Variants in SPAG17 observed in about 807,000 individuals in gnomAD.
SPAG17 encodes sperm associated antigen 17, also known as sperm-associated antigen 17.
A neutral mutation model predicts 273.6 loss-of-function variants in SPAG17; 169 were observed. That is an observed-to-expected ratio of 0.62 (90% CI 0.55 to 0.70). The LOEUF (loss-of-function observed/expected upper bound fraction) is 0.70, where lower values mean the gene tolerates loss of function less well. Ranked by LOEUF, SPAG17 falls within the 30% of genes least tolerant of loss-of-function variation. The probability of loss-of-function intolerance (pLI) is 0.00; values close to 1 mark genes in which losing one functional copy is unlikely to be tolerated. For missense variants in SPAG17, 2,557 were observed against 2,627.8 expected (o/e 0.97, Z 0.59); for synonymous variants, 825 against 873.2 (o/e 0.94, Z 0.97).
chr1:118,131,195 T>C (rs1161821877), intron 3 of SPAG17, among the ~76,000 whole-genome samples: 3 of 152,246 alleles, frequency 2.0e-5, no homozygotes, highest in Non-Finnish European at 4.4e-5. Flanking sequence ...GATTAGTTCC[T>C]ACATGGACTG....
chr1:118,036,983 AC>A, intron 23 of SPAG17, 100 bp from the exon 24 acceptor site: 1 of 756,402 alleles, frequency 1.3e-6, no homozygotes, highest in Non-Finnish European at 2.2e-6. Context: ...TAGCTGCTCT[AC>A]CACAATCAAC....
intron 5 of SPAG17, among the ~76,000 whole-genome samples, chr1:118,100,269 C>T (rs886566678): frequency 6.6e-6 from 1 of 152,134 alleles, no homozygotes; most frequent in Non-Finnish European, 1.5e-5. Flanking sequence ...GTTGTATGCA[C>T]TTATGTCAAT....
Position 118,091,634 on chromosome 1 carries a change from G to A in SPAG17, c.1331C>T (p.Pro444Leu), listed in dbSNP as rs1164523448. 1.9e-6 allele frequency: 3 copies of A among 1,611,182 alleles called. No homozygotes were observed. The highest frequency in any genetic ancestry group is 4.5e-5 in the East Asian group (2 of 44,822). Residue 444 changes from proline to leucine, a missense_variant, in exon 10 of 49, where the codon CCC becomes CTC. By Grantham distance (98) the Pro-to-Leu change is moderately conservative. Transcript: ENST00000336338. ...TTCCAGCATACAATGCAGTATCAGG[G>A]GCACAGAAATGAATTCCTCTCGAAT... The part of the protein sequence containing the change: ...NPIREEFISV[P>L]LILHCMLEQV...
chr1:118,005,632 T>C (rs1658801463), intron 31 of SPAG17, 30 bp from the exon 32 acceptor site: 1 of 1,381,718 alleles, frequency 7.2e-7, no homozygotes, highest in Non-Finnish European at 9.4e-7. Flanking sequence ...ACAGAAATTA[T>C]TAAAATTTTC....
At chr1:117,983,567 T>A (rs562959501) in intron 42 of SPAG17, among the ~76,000 whole-genome samples, 2 of 152,366 alleles carry the variant, frequency 1.3e-5, no homozygotes, top group South Asian at 4.1e-4. Flanking sequence ...GAACTTTCAT[T>A]ACTTCCTTGC....
chr1:118,174,974 G>A (rs1367079035), intron 1 of SPAG17, among the ~76,000 whole-genome samples: 1 of 152,036 alleles, frequency 6.6e-6, no homozygotes, highest in East Asian at 1.9e-4. Context: ...ATAGCCACTT[G>A]GCAGCAGATA....
intron 3 of SPAG17, among the ~76,000 whole-genome samples, chr1:118,137,655 A>G (rs1658439205): frequency 6.6e-6 from 1 of 152,254 alleles, no homozygotes. Flanking sequence ...TATAGAAATC[A>G]TATTTCAATT....
intron 42 of SPAG17, among the ~76,000 whole-genome samples, chr1:117,982,463 G>C (rs1302269902): frequency 2.6e-5 from 4 of 152,006 alleles, no homozygotes; most frequent in East Asian, 1.9e-4. Flanking sequence ...GGATGGTCTC[G>C]ATCTCCTGAC....
rs1659361376 is a variant in SPAG17, at chr1:118,151,252, A to T, written c.205T>A (p.Ser69Thr). 2 of 1,601,212 alleles carry T rather than the reference A, an allele frequency of 1.2e-6. No individual in the cohort carries two copies. Among genetic ancestry groups the T allele is most frequent in the Non-Finnish European group, 1.7e-6 (2 of 1,172,104 alleles). ...ACCTGCTGGAGAATGTCTTGCCACG[A>T]CACCATACTGAAGAGTTTACGCTGA... ...VPQRKLFSMVSWQDILQQINE... is the reference protein window; with the variant it reads ...VPQRKLFSMVTWQDILQQINE... The change falls in exon 2 of 49, where the codon TCG becomes ACG. Residue 69 changes from serine to threonine, a missense_variant. Ser to Thr is a moderately conservative substitution (Grantham distance 58). Transcript: ENST00000336338.
rs757022280 is a variant in SPAG17, at chr1:118,081,134, T to C, written c.2176A>G (p.Ile726Val). The C allele has an allele frequency of 1.2e-6, 2 of 1,613,828 alleles. No individual in the cohort carries two copies. Among genetic ancestry groups the C allele is most frequent in the African/African-American group, 2.7e-5 (2 of 74,864 alleles). ...TCATGTTGGGGCTGAGCCTTCATGA[T>C]GCTCTCCTGCTCTAACAGCTGTCTA... Reference protein sequence around the residue: ...DNRQLLEQESIMKAQPQHESL... With the variant: ...DNRQLLEQESVMKAQPQHESL... The change falls in exon 15 of 49, where the codon ATC (isoleucine) becomes GTC (valine). Residue 726 changes from isoleucine to valine, a missense_variant. By Grantham distance (29) the Ile-to-Val change is conservative. Transcript: ENST00000336338.
Position 118,103,822 on chromosome 1 carries a change from G to T in SPAG17, c.448-1896C>A, listed in dbSNP as rs555735504. 2.5e-5 allele frequency among the ~76,000 whole-genome samples: 3 copies of T among 121,782 alleles called. No homozygotes were observed. The South Asian group carries it at 7.9e-4, about 32-fold the overall frequency. 79.9% of individuals were successfully genotyped at this position (121,782 alleles called of 152,430 possible). The stretch of plus-strand genomic sequence containing the variant: ...TCTCAAAGGCAAGAGTCATACACAT[G>T]AGAAGCAGGGAAAATGTAGTGTGTG... On this transcript the variant is annotated intron_variant, in intron 4 of 48. Coordinates refer to ENST00000336338, the MANE Select transcript of SPAG17 (RefSeq NM_206996.4).
At chr1:118,167,888 T>C (rs1348344593) in intron 1 of SPAG17, among the ~76,000 whole-genome samples, 1 of 151,984 alleles carries the variant, frequency 6.6e-6, no homozygotes, top group African/African-American at 2.4e-5. Context: ...CAATAGTGAG[T>C]GGGTTCTCGT....
intron 43 of SPAG17, among the ~76,000 whole-genome samples, chr1:117,977,200 A>C (rs1243277802): frequency 1.3e-5 from 2 of 152,046 alleles, no homozygotes; most frequent in African/African-American, 4.8e-5. Context: ...GGGTGCCTGT[A>C]ATCCCAGCTA....
chr1:118,084,693 G>A (rs77177550), intron 13 of SPAG17, among the ~76,000 whole-genome samples: 3,810 of 152,208 alleles, frequency 0.025, 76 homozygotes, highest in Middle Eastern at 0.071. Flanking sequence ...GGTGCAGAGC[G>A]GGTGCTTAAA....
intron 38 of SPAG17, 48 bp downstream of exon 38, chr1:117,990,813 C>A (rs373412147): frequency 8.6e-6 from 11 of 1,285,232 alleles, no homozygotes; most frequent in Non-Finnish European, 1.2e-5. Context: ...AAGATGATTC[C>A]TTTGAAACTT....
At chr1:118,120,452 C>T (rs1460048113) in intron 3 of SPAG17, among the ~76,000 whole-genome samples, 3 of 152,120 alleles carry the variant, frequency 2.0e-5, no homozygotes, top group Non-Finnish European at 2.9e-5. Flanking sequence ...ATCATCCTAT[C>T]ACTCTATCCC....
chr1:118,042,605 C>T (rs765680056), intron 20 of SPAG17, among the ~76,000 whole-genome samples: 1 of 152,072 alleles, frequency 6.6e-6, no homozygotes, highest in African/African-American at 2.4e-5. Context: ...AAACAGTCAT[C>T]GAGGCAGGAA....
intron 43 of SPAG17, among the ~76,000 whole-genome samples, chr1:117,980,604 TA>T (rs1457887515): frequency 6.6e-6 from 1 of 152,198 alleles, no homozygotes; most frequent in Non-Finnish European, 1.5e-5. Context: ...AACCCATCAG[TA>T]GATTCCCATC....
chr1:118,159,671 C>T (rs1027253219), intron 1 of SPAG17, among the ~76,000 whole-genome samples: 1 of 152,134 alleles, frequency 6.6e-6, no homozygotes, highest in African/African-American at 2.4e-5. Flanking sequence ...ACCGTGTAGC[C>T]TCTGGCTTAG....
Sources: gnomAD v4.1 joint callset for allele counts (sites outside exome capture counted in the v4.1 genomes callset) on GRCh38, gnomAD v4.1.1 for gene constraint, MANE v1.5 for transcripts, NCBI Gene and HGNC (gene_info 2026-07-23, HGNC 2026-07-21) for gene names.